The following L3MBTL4 variants were observed in gnomAD, a reference collection of about 807,000 sequenced individuals.
L3MBTL4 encodes L3MBTL histone methyl-lysine binding protein 4, also known as lethal(3)malignant brain tumor-like protein 4.
L3MBTL4 carries 70 observed loss-of-function variants against 84.5 expected under a neutral mutation model. The ratio of observed to expected loss-of-function variants is 0.83; its 90% CI spans 0.68 to 1.01. The LOEUF (loss-of-function observed/expected upper bound fraction) is 1.01, where lower values mean the gene tolerates loss of function less well. L3MBTL4 is among the 50% of genes least tolerant of loss of function. The probability of loss-of-function intolerance (pLI) is 0.00; values close to 1 mark genes in which losing one functional copy is unlikely to be tolerated. For synonymous variants in L3MBTL4, 274 were observed against 259.8 expected, an observed-to-expected ratio of 1.05 and a Z score of -0.52; for missense variants, 715 against 754.8, an observed-to-expected ratio of 0.95 and a Z score of 0.62.
At chr18:6,271,708 G>A (rs1406066389) in intron 4 of L3MBTL4, among the ~76,000 whole-genome samples, 1 of 152,222 alleles carries the variant, frequency 6.6e-6, no homozygotes, top group Non-Finnish European at 1.5e-5. Context: ...CGAGGTCAGG[G>A]GAGGCGCTTC....
chr18:5,983,903 C>T (rs1050910408), intron 16 of L3MBTL4, among the ~76,000 whole-genome samples: 1 of 152,068 alleles, frequency 6.6e-6, no homozygotes, highest in African/African-American at 2.4e-5. Flanking sequence ...CTGGGAATGG[C>T]AAGATCATCT....
intron 1 of L3MBTL4, among the ~76,000 whole-genome samples, chr18:6,370,568 G>A (rs183870393): frequency 6.6e-6 from 1 of 152,310 alleles, no homozygotes; most frequent in East Asian, 1.9e-4. Context: ...GGGTACAGCA[G>A]GTCCCCCCTC....
chr18:6,201,569 AT>A (rs2145659335), intron 12 of L3MBTL4, among the ~76,000 whole-genome samples: 1 of 152,360 alleles, frequency 6.6e-6, no homozygotes, highest in East Asian at 1.9e-4. Flanking sequence ...ACAAGATTAA[AT>A]TTTGGCTCAC....
chr18:6,046,889 G>T (rs1330793971), intron 16 of L3MBTL4: 6 of 575,778 alleles, frequency 1.0e-5, no homozygotes, highest in African/African-American at 1.9e-5. Flanking sequence ...CAGAAGAAAA[G>T]AATTGACTAA....
chr18:6,360,778 C>T (rs970637719), intron 1 of L3MBTL4, among the ~76,000 whole-genome samples: 4 of 151,710 alleles, frequency 2.6e-5, no homozygotes, highest in African/African-American at 9.7e-5. Context: ...CTGCTTGAGG[C>T]CAGGAGTTCA....
At chr18:6,001,229 G>A (rs1940616) in intron 16 of L3MBTL4, among the ~76,000 whole-genome samples, 82,023 of 152,188 alleles carry the variant, frequency 0.54, 24,210 homozygotes, top group Non-Finnish European at 0.69. Context: ...GCCTAAAGTG[G>A]CTTCCAGGGT....
chr18:6,009,480 G>A (rs562830628), intron 16 of L3MBTL4, among the ~76,000 whole-genome samples: 11 of 152,100 alleles, frequency 7.2e-5, no homozygotes, highest in Non-Finnish European at 1.3e-4. Context: ...GAGAAGTCAA[G>A]GTCCTAAAGG....
intron 14 of L3MBTL4, among the ~76,000 whole-genome samples, chr18:6,098,468 G>A (rs965642173): frequency 6.6e-6 from 1 of 152,190 alleles, no homozygotes; most frequent in African/African-American, 2.4e-5. Context: ...AAGCAAAATG[G>A]CAAAGATGTA....
At chr18:6,351,484 A>G (rs1318372251) in intron 1 of L3MBTL4, among the ~76,000 whole-genome samples, 2 of 152,178 alleles carry the variant, frequency 1.3e-5, no homozygotes, top group African/African-American at 4.8e-5. Flanking sequence ...AATGCCACTG[A>G]GTGATCACTG....
At chr18:6,057,037 C>CT (rs375617840) in intron 16 of L3MBTL4, among the ~76,000 whole-genome samples, 106 of 145,324 alleles carry the variant, frequency 7.3e-4, no homozygotes, top group Middle Eastern at 3.5e-3. Context: ...CTTTCTTTTT[C>CT]TTTTTTTTTT....
At chr18:6,314,204 GA>G (rs1192975532) in intron 1 of L3MBTL4, among the ~76,000 whole-genome samples, 7 of 152,152 alleles carry the variant, frequency 4.6e-5, no homozygotes, top group Non-Finnish European at 8.8e-5. Context: ...AACCTAACTT[GA>G]TGTCCTTGGC....
At chr18:6,070,311 C>T (rs997290340) in intron 16 of L3MBTL4, among the ~76,000 whole-genome samples, 2 of 151,948 alleles carry the variant, frequency 1.3e-5, no homozygotes, top group African/African-American at 4.8e-5. Flanking sequence ...TGACACACTC[C>T]AAGACATACT....
At chr18:6,317,757 T>G (rs2051182361) in intron 1 of L3MBTL4, among the ~76,000 whole-genome samples, 1 of 152,148 alleles carries the variant, frequency 6.6e-6, no homozygotes, top group South Asian at 2.1e-4. Context: ...CAAAAATTCC[T>G]GGGAGACTCA....
intron 13 of L3MBTL4, among the ~76,000 whole-genome samples, chr18:6,164,431 G>A (rs960297867): frequency 5.9e-5 from 9 of 152,200 alleles, no homozygotes; most frequent in African/African-American, 9.6e-5. Context: ...GGCACCCCCC[G>A]CTAGGGGCAG....
At chr18:6,339,550 C>T (rs961213466) in intron 1 of L3MBTL4, among the ~76,000 whole-genome samples, 3 of 150,912 alleles carry the variant, frequency 2.0e-5, no homozygotes, top group Admixed American at 6.6e-5. Flanking sequence ...AGAAAAGGAA[C>T]AGAAAATCAA....
At chr18:6,358,397 C>T (rs1057254393) in intron 1 of L3MBTL4, among the ~76,000 whole-genome samples, 3 of 152,166 alleles carry the variant, frequency 2.0e-5, no homozygotes, top group Non-Finnish European at 4.4e-5. Flanking sequence ...CTCACACACT[C>T]CAGGGCTTCC....
chr18:6,277,350 G>C (rs891359391), intron 4 of L3MBTL4, among the ~76,000 whole-genome samples: 1 of 151,900 alleles, frequency 6.6e-6, no homozygotes, highest in Admixed American at 6.6e-5. Context: ...ATTTTTACAC[G>C]GAAAAAGGCC....
intron 1 of L3MBTL4, among the ~76,000 whole-genome samples, chr18:6,381,144 GCT>G (rs1491551546): frequency 6.6e-6 from 1 of 152,070 alleles, no homozygotes; most frequent in Non-Finnish European, 1.5e-5. Context: ...TGCAACTCCT[GCT>G]TTTTTTATTT....
At chr18:6,104,400 A>G (rs2058932437) in intron 14 of L3MBTL4, among the ~76,000 whole-genome samples, 1 of 152,230 alleles carries the variant, frequency 6.6e-6, no homozygotes, top group Non-Finnish European at 1.5e-5. Flanking sequence ...AGCCTTAATA[A>G]AAAGGGAATC....
Sources: allele counts gnomAD v4.1 joint callset (sites outside exome capture counted in the v4.1 genomes callset), GRCh38; gene constraint gnomAD v4.1.1; transcripts MANE v1.5; gene names NCBI Gene and HGNC (gene_info 2026-07-23, HGNC 2026-07-21).